Variants in ARHGAP26 observed in about 807,000 individuals in gnomAD.
ARHGAP26 encodes the protein Rho GTPase activating protein 26.
Under a neutral mutation model 104.8 loss-of-function variants are expected in ARHGAP26, and 38 were observed. The observed-to-expected ratio is 0.36, with a 90% CI of 0.28 to 0.48. The LOEUF is 0.48. Among genes scored for constraint, ARHGAP26 ranks in the 20% least tolerant of loss-of-function variants. The pLI is 0.99. For synonymous variants in ARHGAP26, 341 were observed against 340.0 expected, an observed-to-expected ratio of 1.00 and a Z score of -0.03; for missense variants, 704 against 947.9, an observed-to-expected ratio of 0.74 and a Z score of 3.38.
Position 143,163,296 on chromosome 5 carries a change from T to C in ARHGAP26, c.1988+15915T>C, listed in dbSNP as rs575512599. Among the ~76,000 whole-genome samples the C allele has an allele frequency of 8.8e-4, 134 of 152,280 alleles. No homozygotes were observed. In the South Asian group the frequency reaches 0.012, roughly 14 times the overall value. On this transcript the variant is annotated intron_variant, in intron 20 of 22. Transcript: ENST00000645722. ...GTCATTTACTCAAAAATATTTATGG[T>C]TGAATGAAGGATCTTGGCAATTGTA...
In ARHGAP26 at chr5:142,871,118, G is replaced by T. The variant is rs556167852; in HGVS notation, c.155-2282G>T. Among the ~76,000 whole-genome samples, 2 of 152,244 alleles carry T rather than the reference G, an allele frequency of 1.3e-5. No individual in the cohort carries two copies. Among genetic ancestry groups the T allele is most frequent in the South Asian group, 4.1e-4 (2 of 4,824 alleles). ...AGCAGTCATTACCTAATCGTCTATC[G>T]GGGGATCGGCCTGTCCTTCAGCTTC... On this transcript the variant is annotated intron_variant, in intron 1 of 22. Transcript: ENST00000645722. The surrounding 1 kb of genome is among the most constrained non-coding windows in gnomAD (Gnocchi z 4.1).
chr5:142,822,002 A>G (rs1766287773), intron 1 of ARHGAP26, among the ~76,000 whole-genome samples: 2 of 152,236 alleles, frequency 1.3e-5, no homozygotes, highest in African/African-American at 2.4e-5. Context: ...AGAGATGACA[A>G]ACTATTAACC....
chr5:142,875,166 C>T lies in ARHGAP26; in HGVS notation c.307C>T (p.Arg103Trp), dbSNP rs587778050. Residue 103 changes from arginine to tryptophan, a missense_variant, in exon 3 of 23, where the codon CGG (arginine) becomes TGG (tryptophan). Around this residue, in one of 6 missense-constraint regions of ARHGAP26, gnomAD observed 106 missense variants for 120.5 expected, o/e 0.88. Coordinates refer to ENST00000645722, the MANE Select transcript of ARHGAP26 (RefSeq NM_001135608.3). ...VLRNLEDERI[R>W]MIENASEVLI... is the part of the protein sequence containing the mutation. The stretch of plus-strand genomic sequence containing the variant: ...CAGGAATCTTGAAGATGAACGGATA[C>T]GGATGGTGAGTAGGGCTGGGCTACT... The T allele has an allele frequency of 1.9e-6, 3 of 1,613,944 alleles. No homozygotes were observed. Among genetic ancestry groups the T allele is most frequent in the Non-Finnish European group, 2.5e-6 (3 of 1,179,932 alleles).
At chr5:142,883,721 A>G (rs1192457849) in intron 4 of ARHGAP26, among the ~76,000 whole-genome samples, 2 of 152,322 alleles carry the variant, frequency 1.3e-5, no homozygotes, top group East Asian at 3.9e-4. Flanking sequence ...GTCTCAGCTC[A>G]CATCTCCCTT....
At chr5:142,947,516 C>T (rs1016122248) in intron 11 of ARHGAP26, among the ~76,000 whole-genome samples, 8 of 152,188 alleles carry the variant, frequency 5.3e-5, no homozygotes, top group Non-Finnish European at 1.2e-4. Context: ...TGTGTGTTGT[C>T]ATGCCAGGGA....
Position 142,900,643 on chromosome 5 carries a change from CTTA to C in ARHGAP26, c.598-1287_598-1285del, listed in dbSNP as rs367962984. On this transcript the variant is annotated intron_variant, in intron 6 of 22. Transcript: ENST00000645722. ...GCGGGATGAGATTCCTTTACCGTCA[CTTA>C]TTATAGCTGCCTCTCAGAAAAGGAG... Among the ~76,000 whole-genome samples, 73 of 151,992 alleles carry C rather than the reference CTTA, an allele frequency of 4.8e-4. 2 individuals carry two copies. The South Asian group carries it at 0.014, about 30-fold the overall frequency.
At chr5:143,128,320 C>T (rs1486208612) in intron 18 of ARHGAP26, among the ~76,000 whole-genome samples, 1 of 152,080 alleles carries the variant, frequency 6.6e-6, no homozygotes, top group Non-Finnish European at 1.5e-5. Flanking sequence ...GCAAAGAGAA[C>T]AGGAAATAGA....
At chr5:142,814,631 A>T (rs1295116454) in intron 1 of ARHGAP26, among the ~76,000 whole-genome samples, 2 of 152,200 alleles carry the variant, frequency 1.3e-5, no homozygotes, top group Non-Finnish European at 2.9e-5. Context: ...AAGTACTGAC[A>T]TGGTAGCTAG....
At chr5:142,936,378 A>G (rs1243056832) in intron 11 of ARHGAP26, among the ~76,000 whole-genome samples, 1 of 152,150 alleles carries the variant, frequency 6.6e-6, no homozygotes, top group East Asian at 1.9e-4. Flanking sequence ...GAAAGAAACT[A>G]AAGAGGATCT....
chr5:143,222,529 C>G lies in ARHGAP26; in HGVS notation c.*83C>G. On this transcript the variant is annotated 3_prime_UTR_variant, in exon 23 of 23. Transcript: ENST00000645722. ...CCAGTGTCGAGGCCATTTCTCTTTG[C>G]CACTGAGAAATGCAGCGTGACTGAC... The G allele has an allele frequency of 1.7e-6, 2 of 1,150,274 alleles. No individual in the cohort carries two copies. The highest frequency in any genetic ancestry group is 1.2e-6 in the Non-Finnish European group (1 of 826,144). The allele number at this position is 1,150,274 out of a possible 1,614,324, so 71.3% of individuals were successfully genotyped here.
intron 17 of ARHGAP26, among the ~76,000 whole-genome samples, chr5:143,118,420 T>G (rs974193394): frequency 1.3e-5 from 2 of 152,156 alleles, no homozygotes; most frequent in Non-Finnish European, 2.9e-5. Flanking sequence ...CAGGCAGGCC[T>G]AGTGGTGATT....
chr5:143,051,898 GA>G (rs1022491289), intron 14 of ARHGAP26, among the ~76,000 whole-genome samples: 1 of 152,112 alleles, frequency 6.6e-6, no homozygotes, highest in African/African-American at 2.4e-5. Flanking sequence ...TTCTTCTTTA[GA>G]AAAATGTACA....
rs567157562 is a variant in ARHGAP26, at chr5:142,992,528, C to T, written c.1108-21552C>T. ...TGCTCACTGCAACCTCCTGGGTTCA[C>T]GTCATTCTCCCGCCTCAGCCTCCCA... On this transcript the variant is annotated intron_variant, in intron 11 of 22. Coordinates refer to ENST00000645722, the MANE Select transcript of ARHGAP26 (RefSeq NM_001135608.3). 9.9e-5 allele frequency among the ~76,000 whole-genome samples: 15 copies of T among 151,128 alleles called. No individual in the cohort carries two copies. The South Asian group carries it at 1.9e-3, about 19-fold the overall frequency.
rs545883960 is a variant in ARHGAP26, at chr5:143,046,132, C to T, written c.1285+4242C>T. 1.9e-4 allele frequency among the ~76,000 whole-genome samples: 29 copies of T among 151,846 alleles called. No individual in the cohort carries two copies. The South Asian group carries it at 5.8e-3, about 31-fold the overall frequency. ...CTGGGCAACAAGAACGAAACTCCAT[C>T]CCCAAAAATAAAAAATACAAAAATT... On this transcript the variant is annotated intron_variant, in intron 14 of 22. Transcript: ENST00000645722.
In ARHGAP26 at chr5:143,135,418, A is replaced by G. The variant is rs1379069177; in HGVS notation, c.1837+1313A>G. Among the ~76,000 whole-genome samples, 4 of 152,220 alleles carry G rather than the reference A, an allele frequency of 2.6e-5. No individual in the cohort carries two copies. In the East Asian group the frequency reaches 7.7e-4, roughly 29 times the overall value. ...TTATTATAACTCGTTTCTGTGAGGT[A>G]CAGTAAAGGGACAGAGGCAGGACAG... is the stretch of plus-strand genomic sequence containing the variant. On this transcript the variant is annotated intron_variant, in intron 19 of 22. Coordinates refer to ENST00000645722, the MANE Select transcript of ARHGAP26 (RefSeq NM_001135608.3).
intron 22 of ARHGAP26, among the ~76,000 whole-genome samples, chr5:143,221,416 A>G (rs1420822600): frequency 7.0e-6 from 1 of 143,496 alleles, no homozygotes; most frequent in Non-Finnish European, 1.5e-5. Context: ...ATTCAAAATG[A>G]CAGCAACCAA....
intron 14 of ARHGAP26, 34 bp downstream of exon 14, chr5:143,041,924 C>T (rs1484533698): frequency 6.4e-7 from 1 of 1,552,526 alleles, no homozygotes; most frequent in South Asian, 1.2e-5. Flanking sequence ...AGGCAGGTCC[C>T]TGGATGGGGG....
At chr5:143,008,217 C>T (rs2152804019) in intron 11 of ARHGAP26, among the ~76,000 whole-genome samples, 1 of 152,366 alleles carries the variant, frequency 6.6e-6, no homozygotes, top group Middle Eastern at 3.4e-3. Flanking sequence ...GAGAGTGTTA[C>T]TATCCCCCTT....
chr5:142,889,476 G>A (rs937027007), intron 5 of ARHGAP26, among the ~76,000 whole-genome samples: 3 of 152,132 alleles, frequency 2.0e-5, no homozygotes, highest in Non-Finnish European at 2.9e-5. Context: ...AAATTAGCTA[G>A]ATGTGGTGGC....
Sources: gnomAD v4.1 joint callset for allele counts (sites outside exome capture counted in the v4.1 genomes callset) on GRCh38, gnomAD v4.1.1 for gene constraint, gnomAD v4.1.1 regional missense constraint, Gnocchi (gnomAD v3.1) non-coding constraint, MANE v1.5 for transcripts, NCBI Gene and HGNC (gene_info 2026-07-23, HGNC 2026-07-21) for gene names.